ESCO1: variants seen among roughly 807,000 people sequenced by gnomAD.
ESCO1 encodes the protein establishment of sister chromatid cohesion N-acetyltransferase 1, also known as N-acetyltransferase ESCO1.
ESCO1 carries 33 observed loss-of-function variants against 83.5 expected under a neutral mutation model. The observed-to-expected ratio is 0.40, with a 90% CI of 0.30 to 0.53. ESCO1 has a LOEUF of 0.53. Ranked by LOEUF, ESCO1 falls within the 20% of genes least tolerant of loss-of-function variation. The pLI, the probability that ESCO1 is intolerant of heterozygous loss-of-function variation, is 0.63. For synonymous variants in ESCO1, 332 were observed against 324.3 expected (o/e 1.02, Z -0.25); for missense variants, 855 against 968.0 (o/e 0.88, Z 1.55).
intron 1 of ESCO1, among the ~76,000 whole-genome samples, chr18:21,588,587 A>G (rs543957654): frequency 6.6e-6 from 1 of 152,320 alleles, no homozygotes; most frequent in East Asian, 1.9e-4. Context: ...TACAATATGT[A>G]TAAGATATCC....
At chr18:21,533,604 C>T (rs1448928090) in intron 10 of ESCO1, among the ~76,000 whole-genome samples, 1 of 152,120 alleles carries the variant, frequency 6.6e-6, no homozygotes, top group African/African-American at 2.4e-5. Flanking sequence ...AGTAAACAGA[C>T]AACACAGTTA....
intron 1 of ESCO1, chr18:21,596,856 C>G (rs1339766520): frequency 6.6e-6 from 1 of 152,034 alleles, no homozygotes; most frequent in African/African-American, 2.4e-5. Context: ...TTAGTTACTC[C>G]TGGCTTCGCT....
chr18:21,574,578 G>GTCTTGTGAATA lies in ESCO1; in HGVS notation c.265_266insTATTCACAAGA (p.Thr89IlefsTer6). 1 of 1,614,020 alleles carries GTCTTGTGAATA rather than the reference G, an allele frequency of 6.2e-7. No homozygotes were observed. The highest frequency in any genetic ancestry group is 8.5e-7 in the Non-Finnish European group (1 of 1,179,998). On this transcript the variant is annotated frameshift_variant, in exon 4 of 12. Transcript: ENST00000269214. LOFTEE classifies it high-confidence loss of function. ...AGATTCTTGTGAATATCCCCTCACA[G>GTCTTGTGAATA]TCACCGTATTTTTATTAATGGATTT...
chr18:21,574,543 T>G lies in ESCO1; in HGVS notation c.301A>C (p.Lys101Gln). Residue 101 changes from lysine (K) to glutamine (Q), a missense_variant, in exon 4 of 12, where the codon AAA becomes CAA. Lys to Gln is a moderately conservative substitution (Grantham distance 53). Transcript: ENST00000269214. ...TGTACTAATTTTTTCTGAGATAATTTCTTTTTTGTAGATTCTTGTGAATAT... is the reference window on the plus strand; with the variant it reads ...TGTACTAATTTTTTCTGAGATAATTGCTTTTTTGTAGATTCTTGTGAATAT... ...RGYSQESTKK[K>Q]LSQKKLVHEN... 1 of 1,613,798 alleles carries G rather than the reference T, an allele frequency of 6.2e-7. No homozygotes were observed. Among genetic ancestry groups the G allele is most frequent in the South Asian group, 1.1e-5 (1 of 91,020 alleles).
chr18:21,551,185 T>C (rs908342961), intron 8 of ESCO1, among the ~76,000 whole-genome samples: 4 of 151,246 alleles, frequency 2.6e-5, no homozygotes, highest in African/African-American at 7.3e-5. Context: ...AAACACAATG[T>C]CCAGGCCGGG....
chr18:21,559,282 G>A (rs565775121), intron 8 of ESCO1, among the ~76,000 whole-genome samples: 1 of 152,206 alleles, frequency 6.6e-6, no homozygotes, highest in Non-Finnish European at 1.5e-5. Flanking sequence ...TCCCATCAAG[G>A]GGGGGTTGGA....
chr18:21,569,369 C>A (rs773224603), intron 4 of ESCO1, among the ~76,000 whole-genome samples: 1 of 151,758 alleles, frequency 6.6e-6, no homozygotes, highest in Non-Finnish European at 1.5e-5. Flanking sequence ...GAGGCTGAGG[C>A]GGGTGGATCA....
chr18:21,554,864 T>C (rs1368600462), intron 8 of ESCO1, among the ~76,000 whole-genome samples: 1 of 151,632 alleles, frequency 6.6e-6, no homozygotes, highest in African/African-American at 2.4e-5. Flanking sequence ...GCAGAGATCA[T>C]GCCACTGCAC....
intron 4 of ESCO1, among the ~76,000 whole-genome samples, chr18:21,569,758 G>C (rs2038314845): frequency 6.6e-6 from 1 of 152,138 alleles, no homozygotes; most frequent in Non-Finnish European, 1.5e-5. Context: ...GCTAAGGCAG[G>C]AGAAATCACT....
Position 21,536,121 on chromosome 18 carries a change from T to C in ESCO1, c.2108A>G (p.Tyr703Cys), listed in dbSNP as rs569397951. 22 of 1,614,172 alleles carry C rather than the reference T, an allele frequency of 1.4e-5. No homozygotes were observed. In the African/African-American group the frequency reaches 2.5e-4, roughly 19 times the overall value. ...LGFQQAPLMC[Y>C]SRTKTLLFIS... ...GAAGAGAAGTGTTTTAGTTCTGGAATAGCACATTAGTGGAGCCTGTTGAAA... is the reference window on the plus strand; with the variant it reads ...GAAGAGAAGTGTTTTAGTTCTGGAACAGCACATTAGTGGAGCCTGTTGAAA... The change falls in exon 10 of 12, where the codon TAT (tyrosine) becomes TGT (cysteine). Residue 703 changes from tyrosine (Y) to cysteine (C), a missense_variant. Coordinates refer to ENST00000269214, the MANE Select transcript of ESCO1 (RefSeq NM_052911.3).
At chr18:21,552,453 C>A (rs1024778054) in intron 8 of ESCO1, among the ~76,000 whole-genome samples, 1 of 152,194 alleles carries the variant, frequency 6.6e-6, no homozygotes, top group African/African-American at 2.4e-5. Flanking sequence ...TTGCTCGGCA[C>A]TTCTCTCTCC....
chr18:21,596,749 C>A (rs2074896110), intron 1 of ESCO1, among the ~76,000 whole-genome samples: 1 of 152,052 alleles, frequency 6.6e-6, no homozygotes, highest in South Asian at 2.1e-4. Context: ...GCAGGAGAAT[C>A]GCTTGAAGCC....
Position 21,540,006 on chromosome 18 carries a change from A to G in ESCO1, c.1957T>C (p.Trp653Arg). The change falls in exon 9 of 12, where the codon TGG becomes CGG. Residue 653 changes from tryptophan to arginine, a missense_variant. Physicochemically the swap from Trp to Arg is moderately radical, Grantham distance 101 (BLOSUM62 -3). Coordinates refer to ENST00000269214, the MANE Select transcript of ESCO1 (RefSeq NM_052911.3). ...QFISAVKYVG[W>R]KKERILAEYP... ...TCAGCCAGAATTCTTTCTTTCTTCC[A>G]GCCCTAGATATATATATATATATAT... 6.4e-7 allele frequency: 1 copy of G among 1,564,998 alleles called. No individual in the cohort carries two copies. Among genetic ancestry groups the G allele is most frequent in the Non-Finnish European group, 8.6e-7 (1 of 1,161,198 alleles).
chr18:21,599,795 AG>A (rs1331614765), intron 1 of ESCO1, among the ~76,000 whole-genome samples: 1 of 152,094 alleles, frequency 6.6e-6, no homozygotes, highest in South Asian at 2.1e-4. Flanking sequence ...CATCATTGAG[AG>A]GCGGAGGGAG....
intron 8 of ESCO1, among the ~76,000 whole-genome samples, chr18:21,553,418 TGAC>T: frequency 5.1e-3 from 1 of 198 alleles, no homozygotes; most frequent in Middle Eastern, 0.5. Flanking sequence ...TAAGCTAAGA[TGAC>T]ACCGCAACAC....
chr18:21,541,464 G>A (rs2037905065), intron 8 of ESCO1, among the ~76,000 whole-genome samples: 3 of 151,684 alleles, frequency 2.0e-5, no homozygotes, highest in Admixed American at 6.6e-5. Flanking sequence ...GTGGTGGCAC[G>A]CGCCTGTAGT....
chr18:21,590,526 C>G (rs918657116), intron 1 of ESCO1, among the ~76,000 whole-genome samples: 8 of 152,172 alleles, frequency 5.3e-5, no homozygotes, highest in African/African-American at 9.6e-5. Context: ...AGTCATGAAC[C>G]CTTTTTCTAT....
intron 8 of ESCO1, among the ~76,000 whole-genome samples, chr18:21,556,792 C>A (rs1351037140): frequency 1.3e-5 from 2 of 152,094 alleles, no homozygotes; most frequent in South Asian, 4.1e-4. Context: ...CCTCCGCCTC[C>A]CAGGCTCAAG....
At chr18:21,556,261 A>G (rs1480090790) in intron 8 of ESCO1, among the ~76,000 whole-genome samples, 2 of 152,158 alleles carry the variant, frequency 1.3e-5, no homozygotes, top group East Asian at 3.9e-4. Context: ...CTCAAAATAA[A>G]AATAAAATTT....
Sources: allele counts gnomAD v4.1 joint callset (sites outside exome capture counted in the v4.1 genomes callset), GRCh38; gene constraint gnomAD v4.1.1; transcripts MANE v1.5; gene names NCBI Gene and HGNC (gene_info 2026-07-23, HGNC 2026-07-21).